The following ANOS1 variants were observed in gnomAD, a reference collection of about 807,000 sequenced individuals.
ANOS1 encodes the protein anosmin-1.
In ANOS1, 6 loss-of-function variants were observed where a neutral mutation model predicts 59.0. The observed-to-expected ratio is 0.10, with a 90% CI of 0.06 to 0.20. ANOS1 has a LOEUF of 0.20. Ranked by LOEUF, ANOS1 falls within the 10% of genes least tolerant of loss-of-function variation. The pLI is 1.00. For missense variants in ANOS1, 433 were observed against 542.3 expected (o/e 0.80, Z 2.00); for synonymous variants, 217 against 223.4 (o/e 0.97, Z 0.25).
chrX:8,729,391 CTTTTTTTT>C (rs1162458402), intron 1 of ANOS1, among the ~76,000 whole-genome samples: 1 of 72,626 alleles, frequency 1.4e-5, no homozygotes, highest in Admixed American at 1.5e-4. Context: ...ACCTTCCTTC[CTTTTTTTT>C]TTTTTTTTTT....
At chrX:8,608,623 C>T (rs946907756) in intron 3 of ANOS1, among the ~76,000 whole-genome samples, 1 of 112,152 alleles carries the variant, frequency 8.9e-6, no homozygotes, top group Admixed American at 9.4e-5. Context: ...TAGAAACTAA[C>T]TGATATGATT....
intron 6 of ANOS1, among the ~76,000 whole-genome samples, chrX:8,580,061 T>A (rs1386627321): frequency 1.8e-5 from 2 of 111,907 alleles, no homozygotes; most frequent in East Asian, 5.7e-4. Context: ...GCAGCAAATA[T>A]CAACTTATGT....
At chrX:8,710,789 T>C (rs1932808133) in intron 1 of ANOS1, among the ~76,000 whole-genome samples, 1 of 112,335 alleles carries the variant, frequency 8.9e-6, no homozygotes, top group Non-Finnish European at 1.9e-5. Context: ...TGCCTGCTAA[T>C]ATTTTATTCT....
chrX:8,726,707 C>G (rs1009949687), intron 1 of ANOS1, among the ~76,000 whole-genome samples: 3 of 112,395 alleles, frequency 2.7e-5, no homozygotes, highest in African/African-American at 9.7e-5. Flanking sequence ...GACTCAGCTA[C>G]ACCTGTGCCA....
At chrX:8,598,567 C>T (rs1930784083) in intron 3 of ANOS1, among the ~76,000 whole-genome samples, 2 of 110,799 alleles carry the variant, frequency 1.8e-5, no homozygotes, top group South Asian at 7.7e-4. Context: ...CAAGACAGCC[C>T]CACCAGCCCC....
chrX:8,712,533 C>T lies in ANOS1; in HGVS notation c.208-12788G>A, dbSNP rs192937250. ...TTCAACCTGCACCTCAGTTAATAAT[C>T]TATGTGTTAATATGTTCACGTATTA... On this transcript the variant is annotated intron_variant, in intron 1 of 13. Coordinates refer to ENST00000262648, the MANE Select transcript of ANOS1 (RefSeq NM_000216.4). Among the ~76,000 whole-genome samples the T allele has an allele frequency of 2.8e-3, 310 of 112,376 alleles. 6 individuals are homozygous for T. Among genetic ancestry groups the T allele is most frequent in the African/African-American group, 9.6e-3 (298 of 30,972 alleles).
At chrX:8,621,849 T>C (rs903765515) in intron 3 of ANOS1, among the ~76,000 whole-genome samples, 1 of 111,777 alleles carries the variant, frequency 8.9e-6, no homozygotes, top group Non-Finnish European at 1.9e-5. Context: ...TTTTGCGTGA[T>C]TTTTTTACTG....
intron 2 of ANOS1, among the ~76,000 whole-genome samples, chrX:8,657,428 C>T (rs141642603): frequency 1.9e-5 from 2 of 106,381 alleles, no homozygotes; most frequent in African/African-American, 6.9e-5. Flanking sequence ...GTTGGGCAGA[C>T]ATCTTGAACA....
chrX:8,581,938 C>A (rs764682232), intron 6 of ANOS1, among the ~76,000 whole-genome samples: 1 of 111,877 alleles, frequency 8.9e-6, no homozygotes, highest in East Asian at 2.8e-4. Flanking sequence ...GTAGAAACAA[C>A]AACACAACAT....
At chrX:8,649,142 A>C (rs928093024) in intron 2 of ANOS1, among the ~76,000 whole-genome samples, 1 of 111,871 alleles carries the variant, frequency 8.9e-6, no homozygotes, top group Non-Finnish European at 1.9e-5. Context: ...TTTAGTGCCC[A>C]GAGTATTCAC....
At chrX:8,593,694 G>A (rs752729540) in intron 4 of ANOS1, among the ~76,000 whole-genome samples, 117 of 111,498 alleles carry the variant, frequency 1.0e-3, no homozygotes, top group Non-Finnish European at 2.0e-3. Flanking sequence ...TACATTTTGG[G>A]ACAGGGTCTC....
intron 12 of ANOS1, 138 bp from the exon 13 acceptor site, chrX:8,534,598 A>C (rs369890498): frequency 6.6e-5 from 39 of 592,823 alleles, no homozygotes; most frequent in East Asian, 4.3e-4. Flanking sequence ...GTAAAGGCAT[A>C]GTTTAATTTA....
intron 2 of ANOS1, among the ~76,000 whole-genome samples, chrX:8,682,379 T>C (rs761701072): frequency 1.1e-3 from 107 of 97,849 alleles, no homozygotes; most frequent in African/African-American, 4.4e-3. Flanking sequence ...CACACACACA[T>C]ACACAAAAGG....
intron 2 of ANOS1, among the ~76,000 whole-genome samples, chrX:8,697,526 G>A (rs928279402): frequency 9.0e-6 from 1 of 111,639 alleles, no homozygotes; most frequent in African/African-American, 3.3e-5. Flanking sequence ...GCAGGTTGGA[G>A]GTGGGAAGAG....
intron 8 of ANOS1, among the ~76,000 whole-genome samples, chrX:8,559,213 T>C (rs2146799978): frequency 8.9e-6 from 1 of 111,997 alleles, no homozygotes; most frequent in South Asian, 3.8e-4. Context: ...CCACAAGTTT[T>C]CTGAGGAATG....
At chrX:8,563,301 T>A (rs756584023) in intron 8 of ANOS1, among the ~76,000 whole-genome samples, 52 of 112,662 alleles carry the variant, frequency 4.6e-4, no homozygotes, top group Admixed American at 1.1e-3. Flanking sequence ...ACCCTATCTT[T>A]TAATTGGTCA....
chrX:8,544,893 C>G (rs761060219), intron 9 of ANOS1, among the ~76,000 whole-genome samples: 1 of 107,850 alleles, frequency 9.3e-6, no homozygotes, highest in South Asian at 4.2e-4. Flanking sequence ...ATGGAGAAAC[C>G]CCGTCTCTAC....
chrX:8,657,455 G>A (rs969534007), intron 2 of ANOS1, among the ~76,000 whole-genome samples: 9 of 107,871 alleles, frequency 8.3e-5, no homozygotes, highest in Admixed American at 9.9e-5. Flanking sequence ...GCAATTTGGA[G>A]GACTGTGCTT....
At chrX:8,627,898 C>G (rs1289206240) in intron 2 of ANOS1, among the ~76,000 whole-genome samples, 1 of 109,933 alleles carries the variant, frequency 9.1e-6, no homozygotes, top group Non-Finnish European at 1.9e-5. Flanking sequence ...GTGTTAGAAC[C>G]CAAAGGACTC....
Sources: allele counts gnomAD v4.1 joint callset (sites outside exome capture counted in the v4.1 genomes callset), GRCh38; gene constraint gnomAD v4.1.1; transcripts MANE v1.5; gene names NCBI Gene and HGNC (gene_info 2026-07-23, HGNC 2026-07-21).